Variants in FOXN3 observed in about 807,000 individuals in gnomAD.
FOXN3 encodes the protein forkhead box N3, also known as forkhead box protein N3.
FOXN3 carries 7 observed loss-of-function variants against 38.4 expected under a neutral mutation model. The ratio of observed to expected loss-of-function variants is 0.18; its 90% CI spans 0.10 to 0.34. The LOEUF (loss-of-function observed/expected upper bound fraction) is 0.34, where lower values mean the gene tolerates loss of function less well. FOXN3 is among the 10% of genes least tolerant of loss of function. The pLI is 1.00. For missense variants in FOXN3, 456 were observed against 613.4 expected (o/e 0.74, Z 2.71); for synonymous variants, 230 against 242.2 (o/e 0.95, Z 0.47).
At chr14:89,499,817 T>G (rs1466596485) in intron 1 of FOXN3, among the ~76,000 whole-genome samples, 1 of 152,194 alleles carries the variant, frequency 6.6e-6, no homozygotes, top group Non-Finnish European at 1.5e-5. Context: ...TCTTGTCCTA[T>G]GATTGTACAG....
At chr14:89,217,892 C>G (rs1260302616) in intron 4 of FOXN3, among the ~76,000 whole-genome samples, 1 of 152,226 alleles carries the variant, frequency 6.6e-6, no homozygotes, top group East Asian at 1.9e-4. Flanking sequence ...ATGCTGGTGG[C>G]TCCCTGAGGT....
intron 2 of FOXN3, among the ~76,000 whole-genome samples, chr14:89,409,777 G>C (rs1891492744): frequency 2.0e-5 from 3 of 152,140 alleles, no homozygotes; most frequent in African/African-American, 7.2e-5. Context: ...GAGGAGCAAT[G>C]AATGTCCTCT....
At chr14:89,513,360 G>T (rs1238015703) in intron 1 of FOXN3, among the ~76,000 whole-genome samples, 1 of 151,636 alleles carries the variant, frequency 6.6e-6, no homozygotes, top group Non-Finnish European at 1.5e-5. Flanking sequence ...GAGCAGCTGG[G>T]ACTACAGGTG....
intron 1 of FOXN3, among the ~76,000 whole-genome samples, chr14:89,438,672 GTTGTCAGTTTC>G (rs1405092496): frequency 6.6e-6 from 1 of 152,002 alleles, no homozygotes; most frequent in Non-Finnish European, 1.5e-5. Context: ...GTGATGTAAG[GTTGTCAGTTTC>G]TTAAACATAT....
chr14:89,396,748 C>T lies in FOXN3; in HGVS notation c.543+15186G>A, dbSNP rs952451132. 6.0e-5 allele frequency among the ~76,000 whole-genome samples: 9 copies of T among 150,388 alleles called. No homozygotes were observed. The South Asian group carries it at 8.4e-4, about 14-fold the overall frequency. On this transcript the variant is annotated intron_variant, in intron 2 of 5. Transcript: ENST00000557258. ...TTGGGAGGCTGAGACAGGAGAATCG[C>T]TTGAAACCAGAAGGCGGAGGTTGCA...
At chr14:89,280,050 A>T (rs140010917) in intron 4 of FOXN3, among the ~76,000 whole-genome samples, 86 of 152,316 alleles carry the variant, frequency 5.6e-4, no homozygotes, top group African/African-American at 2.0e-3. Context: ...GTGTAGTTCA[A>T]AAGCTCTTAG....
chr14:89,371,635 T>C (rs1299872047), intron 2 of FOXN3, among the ~76,000 whole-genome samples: 1 of 152,018 alleles, frequency 6.6e-6, no homozygotes, highest in Non-Finnish European at 1.5e-5. Flanking sequence ...TCCTGCCTGC[T>C]CCTAGCCCCA....
chr14:89,416,357 A>G (rs556610700), intron 1 of FOXN3, among the ~76,000 whole-genome samples: 8 of 152,246 alleles, frequency 5.3e-5, no homozygotes, highest in African/African-American at 1.9e-4. Context: ...GCGAGCCTCG[A>G]AAACAAATCA....
At chr14:89,329,656 G>A (rs1176221998) in intron 3 of FOXN3, among the ~76,000 whole-genome samples, 1 of 152,014 alleles carries the variant, frequency 6.6e-6, no homozygotes, top group Non-Finnish European at 1.5e-5. Flanking sequence ...AGGAGTTCGA[G>A]ACCATCCTGC....
intron 3 of FOXN3, among the ~76,000 whole-genome samples, chr14:89,325,792 T>C (rs1888066279): frequency 6.6e-6 from 1 of 152,174 alleles, no homozygotes; most frequent in African/African-American, 2.4e-5. Context: ...AAGATGTGTG[T>C]GAGTCCCAAG....
At chr14:89,433,127 G>C (rs1240963983) in intron 1 of FOXN3, among the ~76,000 whole-genome samples, 1 of 152,124 alleles carries the variant, frequency 6.6e-6, no homozygotes, top group Admixed American at 6.5e-5. Flanking sequence ...GGCGGGGTGA[G>C]TCACCTGAGG....
intron 3 of FOXN3, among the ~76,000 whole-genome samples, chr14:89,338,981 C>T (rs1474752873): frequency 6.6e-5 from 10 of 152,136 alleles, no homozygotes; most frequent in Admixed American, 5.2e-4. Context: ...CTAAAGCACT[C>T]GTTTAAGACA....
intron 1 of FOXN3, among the ~76,000 whole-genome samples, chr14:89,584,976 G>A (rs1055466901): frequency 7.9e-5 from 12 of 152,022 alleles, no homozygotes; most frequent in African/African-American, 2.2e-4. Context: ...TCAGCCTCCC[G>A]AAGTGCTGGG....
At chr14:89,216,720 G>C (rs17204290) in intron 4 of FOXN3, among the ~76,000 whole-genome samples, 3,859 of 152,250 alleles carry the variant, frequency 0.025, 49 homozygotes, top group African/African-American at 0.031. Flanking sequence ...TTTGGTCTTA[G>C]ACGGTTTTAT....
chr14:89,180,953 TAC>T (rs10692634), intron 4 of FOXN3, 147 bp from the exon 5 acceptor site: 6,557 of 471,508 alleles, frequency 0.014, 11 homozygotes, highest in East Asian at 0.027. Flanking sequence ...CACGTGCACA[TAC>T]ACACACACAC....
chr14:89,183,461 G>A (rs1480754657), intron 4 of FOXN3, among the ~76,000 whole-genome samples: 1 of 152,122 alleles, frequency 6.6e-6, no homozygotes, highest in Non-Finnish European at 1.5e-5. Flanking sequence ...GAGGGAGGGG[G>A]AGATAGAGCG....
rs1163983473 is a variant in FOXN3 at position 89,179,649 on chromosome 14, A to G, written c.851+1052T>C. Among the ~76,000 whole-genome samples the G allele has an allele frequency of 2.0e-5, 3 of 152,206 alleles. No homozygotes were observed. The East Asian group carries it at 5.8e-4, about 29-fold the overall frequency. On this transcript the variant is annotated intron_variant, in intron 5 of 5. Transcript: ENST00000557258. Reference sequence around the variant, plus strand: ...CAAAGCACCCAGGACAGAAAGGGACACACAGAGAAACTGCTACCATACAGG... The same window carrying G: ...CAAAGCACCCAGGACAGAAAGGGACGCACAGAGAAACTGCTACCATACAGG...
upstream of FOXN3, chr14:89,419,268 TG>T: frequency 2.2e-6 from 1 of 448,592 alleles, no homozygotes; most frequent in Non-Finnish European, 4.5e-6. Context: ...CTATCTGAAA[TG>T]GGGGAAAAAA....
intron 1 of FOXN3, among the ~76,000 whole-genome samples, chr14:89,574,991 C>T (rs1895574687): frequency 6.6e-6 from 1 of 152,164 alleles, no homozygotes; most frequent in African/African-American, 2.4e-5. Context: ...GATCGGTATG[C>T]AAACAAGGCC....
Sources: allele counts gnomAD v4.1 joint callset (sites outside exome capture counted in the v4.1 genomes callset), GRCh38; gene constraint gnomAD v4.1.1; transcripts MANE v1.5; gene names NCBI Gene and HGNC (gene_info 2026-07-23, HGNC 2026-07-21).